MED13: variants seen among roughly 807,000 people sequenced by gnomAD.
The protein encoded by MED13 is mediator of RNA polymerase II transcription subunit 13.
Under a neutral mutation model 225.2 loss-of-function variants are expected in MED13, and 23 were observed. The ratio of observed to expected loss-of-function variants is 0.10; its 90% CI spans 0.07 to 0.14. MED13 has a LOEUF of 0.14. MED13 is among the 10% of genes least tolerant of loss of function. The probability of loss-of-function intolerance (pLI) is 1.00; values close to 1 mark genes in which losing one functional copy is unlikely to be tolerated. For missense variants in MED13, 2,197 were observed against 2,594.5 expected, an observed-to-expected ratio of 0.85 and a Z score of 3.33; for synonymous variants, 942 against 889.2, an observed-to-expected ratio of 1.06 and a Z score of -1.06.
chr17:62,015,790 C>A (rs2080558163), intron 8 of MED13, among the ~76,000 whole-genome samples: 1 of 135,960 alleles, frequency 7.4e-6, no homozygotes, highest in Non-Finnish European at 1.6e-5. Flanking sequence ...TATATATACA[C>A]ACACACTATA....
intron 8 of MED13, among the ~76,000 whole-genome samples, chr17:62,022,130 T>C (rs1046319512): frequency 3.3e-5 from 5 of 149,980 alleles, no homozygotes; most frequent in African/African-American, 7.4e-5. Flanking sequence ...ATGGCATCAC[T>C]GCACTTCAGC....
At position 62,029,963 on chromosome 17, in the gene MED13, C is replaced by A. The variant is rs777016233; in HGVS notation, c.1060G>T (p.Gly354Cys). 3 of 1,611,346 alleles carry A rather than the reference C, an allele frequency of 1.9e-6. No homozygotes were observed. The highest frequency in any genetic ancestry group is 2.5e-6 in the Non-Finnish European group (3 of 1,179,304). ...TGGCTAGTACTATCGGAGTTGAAGCCATCAGATACTGAAGAAAATTTGACC... is the reference window on the plus strand; with the variant it reads ...TGGCTAGTACTATCGGAGTTGAAGCAATCAGATACTGAAGAAAATTTGACC... Reference protein sequence around the residue: ...KWVKFSSVSDGFNSDSTSHHG... With the variant: ...KWVKFSSVSDCFNSDSTSHHG... Residue 354 changes from glycine (G) to cysteine (C), a missense_variant, in exon 7 of 30, where the codon GGC (glycine) becomes TGC (cysteine). Physicochemically the swap from Gly to Cys is radical, Grantham distance 159 (BLOSUM62 -3). This residue lies in a region of MED13 where 884 missense variants were observed against 918.5 expected (regional missense o/e 0.96). Coordinates refer to ENST00000397786, the MANE Select transcript of MED13 (RefSeq NM_005121.3).
intron 8 of MED13, among the ~76,000 whole-genome samples, chr17:62,026,662 C>A (rs2080705622): frequency 1.3e-5 from 2 of 152,060 alleles, no homozygotes; most frequent in Non-Finnish European, 2.9e-5. Context: ...TGTTGGCAGA[C>A]AACATGATTC....
chr17:61,944,581 G>C lies in MED13; in HGVS notation c.*1887C>G, dbSNP rs1249618032. 2.0e-5 allele frequency: 3 copies of C among 151,816 alleles called. No individual in the cohort carries two copies. Among genetic ancestry groups the C allele is most frequent in the Non-Finnish European group, 4.4e-5 (3 of 67,976 alleles). The allele number at this position is 151,816 out of a possible 1,614,324, so 9.4% of individuals were successfully genotyped here. A position where few individuals can be genotyped will look rare whatever the true frequency, so the allele number is the denominator to read the frequency against. ...TTGCTTCATAGAAAAAACAAGACTTGCTAATGTTTTCATATACACAATCTG... is the reference window on the plus strand; with the variant it reads ...TTGCTTCATAGAAAAAACAAGACTTCCTAATGTTTTCATATACACAATCTG... On this transcript the variant is annotated 3_prime_UTR_variant, in exon 30 of 30. Transcript: ENST00000397786.
At chr17:62,033,646 G>A (rs2080776959) in intron 5 of MED13, 141 bp downstream of exon 5, 1 of 764,540 alleles carries the variant, frequency 1.3e-6, no homozygotes, top group South Asian at 1.8e-5. Flanking sequence ...CAGCCCTTAA[G>A]TAATGTGGGC....
Position 62,017,296 on chromosome 17 carries a change from A to C in MED13, c.1284-6063T>G, listed in dbSNP as rs1375578378. ...TCCAAGGTCTTTGTTCATTCCATAA[A>C]AAGAGCGTAGACTCTAACTTTAGAC... On this transcript the variant is annotated intron_variant, in intron 8 of 29. Transcript: ENST00000397786. Among the ~76,000 whole-genome samples the C allele has an allele frequency of 2.0e-5, 3 of 151,710 alleles. No homozygotes were observed. In the East Asian group the frequency reaches 5.8e-4, roughly 29 times the overall value.
chr17:61,981,270 C>G (rs1289282746), intron 16 of MED13, among the ~76,000 whole-genome samples: 1 of 152,150 alleles, frequency 6.6e-6, no homozygotes, highest in Non-Finnish European at 1.5e-5. Flanking sequence ...GACCTGCCTA[C>G]CTCAGCCTCC....
At position 61,983,090 on chromosome 17, in the gene MED13, T is replaced by C. The variant is rs1209094380; in HGVS notation, c.2913A>G (p.Glu971=). The change falls in exon 16 of 30, where the codon GAA becomes GAG. Residue 971 remains glutamate (E), a synonymous_variant. Coordinates refer to ENST00000397786, the MANE Select transcript of MED13 (RefSeq NM_005121.3). ...TTTGAGGTGTATAAGCAGTGCCATA[T>C]TCTTGATCCATATTACTTCCATCAC... The part of the protein sequence containing the change: ...KEGDGSNMDQ[E]YGTAYTPQTH... The C allele has an allele frequency of 6.2e-7, 1 of 1,610,512 alleles. No homozygotes were observed. The highest frequency in any genetic ancestry group is 8.5e-7 in the Non-Finnish European group (1 of 1,178,062).
intron 2 of MED13, among the ~76,000 whole-genome samples, chr17:62,057,093 A>G (rs985951678): frequency 2.0e-5 from 3 of 152,216 alleles, no homozygotes; most frequent in Non-Finnish European, 4.4e-5. Context: ...GCATCTTTAA[A>G]TATCTCCACG....
intron 3 of MED13, among the ~76,000 whole-genome samples, chr17:62,047,979 C>A (rs1463262314): frequency 6.8e-6 from 1 of 147,184 alleles, no homozygotes; most frequent in African/African-American, 2.5e-5. Context: ...CCACAGAATC[C>A]CAGAAAGGCT....
chr17:62,002,950 G>GCA, intron 9 of MED13, among the ~76,000 whole-genome samples: 1 of 152,192 alleles, frequency 6.6e-6, no homozygotes, highest in Admixed American at 6.5e-5. Context: ...ATTATCCTGT[G>GCA]CACTGTAAGA....
At chr17:61,989,743 T>TTA (rs2080279149) in intron 11 of MED13, among the ~76,000 whole-genome samples, 1 of 152,254 alleles carries the variant, frequency 6.6e-6, no homozygotes, top group Non-Finnish European at 1.5e-5. Context: ...AATACTGAGA[T>TTA]TATAGGCATG....
At chr17:61,997,951 A>G (rs1215914056) in intron 9 of MED13, among the ~76,000 whole-genome samples, 1 of 152,214 alleles carries the variant, frequency 6.6e-6, no homozygotes, top group Non-Finnish European at 1.5e-5. Context: ...CATTACCTAA[A>G]TATGACTGTT....
intron 2 of MED13, among the ~76,000 whole-genome samples, chr17:62,062,047 T>C (rs1022923962): frequency 1.2e-4 from 18 of 152,166 alleles, no homozygotes; most frequent in Non-Finnish European, 2.5e-4. Flanking sequence ...TACAGACACC[T>C]AGAATACATT....
chr17:61,999,625 T>A (rs907770370), intron 9 of MED13, among the ~76,000 whole-genome samples: 1 of 152,206 alleles, frequency 6.6e-6, no homozygotes, highest in Admixed American at 6.5e-5. Context: ...ATTTTACTTT[T>A]ACAAACATAG....
chr17:61,948,787 T>G (rs918195004), intron 28 of MED13, among the ~76,000 whole-genome samples: 1 of 151,164 alleles, frequency 6.6e-6, no homozygotes, highest in Non-Finnish European at 1.5e-5. Flanking sequence ...TGGTTTTACA[T>G]AAGAATAAGT....
At chr17:62,053,991 A>AT (rs954877505) in intron 2 of MED13, among the ~76,000 whole-genome samples, 4 of 151,828 alleles carry the variant, frequency 2.6e-5, no homozygotes, top group Non-Finnish European at 4.4e-5. Flanking sequence ...AAAGCAACTA[A>AT]TTTTTTTTTA....
chr17:61,963,191 C>T (rs1603392398), intron 20 of MED13, among the ~76,000 whole-genome samples: 1 of 108,748 alleles, frequency 9.2e-6, no homozygotes, highest in Admixed American at 1.2e-4. Context: ...GAGGTCTTGC[C>T]TTAAATTTAC....
Position 61,946,398 on chromosome 17 carries a change from G to A in MED13, c.*70C>T. 6.5e-7 allele frequency: 1 copy of A among 1,531,500 alleles called. No homozygotes were observed. Among genetic ancestry groups the A allele is most frequent in the Non-Finnish European group, 8.9e-7 (1 of 1,119,240 alleles). The allele number at this position is 1,531,500 out of a possible 1,614,324, so 94.9% of individuals were successfully genotyped here. A position where few individuals can be genotyped will look rare whatever the true frequency, so the allele number is the denominator to read the frequency against. ...AATGACCTTCACTGAGAAGATAATTGTAACTTAATCCTGCAGCGAAACATC... is the reference window on the plus strand; with the variant it reads ...AATGACCTTCACTGAGAAGATAATTATAACTTAATCCTGCAGCGAAACATC... On this transcript the variant is annotated 3_prime_UTR_variant, in exon 30 of 30. Transcript: ENST00000397786.
Sources: gnomAD v4.1 joint callset for allele counts (sites outside exome capture counted in the v4.1 genomes callset) on GRCh38, gnomAD v4.1.1 for gene constraint, gnomAD v4.1.1 regional missense constraint, MANE v1.5 for transcripts, NCBI Gene and HGNC (gene_info 2026-07-23, HGNC 2026-07-21) for gene names.